Variants in LHX8 observed in about 807,000 individuals in gnomAD.
LHX8 encodes the protein LIM homeobox 8.
In LHX8, 12 loss-of-function variants were observed where a neutral mutation model predicts 40.3. The observed-to-expected ratio is 0.30, with a 90% confidence interval of 0.19 to 0.48. The LOEUF is 0.48. LHX8 is among the 20% of genes least tolerant of loss of function. The probability of loss-of-function intolerance (pLI) is 0.99; values close to 1 mark genes in which losing one functional copy is unlikely to be tolerated. For synonymous variants in LHX8, 179 were observed against 162.0 expected, an observed-to-expected ratio of 1.10 and a Z score of -0.80; for missense variants, 344 against 433.7, an observed-to-expected ratio of 0.79 and a Z score of 1.84.
chr1:75,148,456 C>T, intron 6 of LHX8, 131 bp from the exon 7 acceptor site: 1 of 710,788 alleles, frequency 1.4e-6, no homozygotes, highest in South Asian at 1.5e-5. Context: ...CCATATTTCC[C>T]CATACCGATT....
the LHX8 span, among the ~76,000 whole-genome samples, chr1:75,181,000 T>A: frequency 6.6e-6 from 1 of 151,090 alleles, no homozygotes; most frequent in Non-Finnish European, 1.5e-5. Flanking sequence ...TAGACCCTGT[T>A]TGCCTGGGTA....
chr1:75,191,429 A>G, the LHX8 span, among the ~76,000 whole-genome samples: 1 of 152,146 alleles, frequency 6.6e-6, no homozygotes, highest in African/African-American at 2.4e-5. Flanking sequence ...AGCGCCTTCC[A>G]AGGGAAACAC....
At chr1:75,169,293 T>G in the LHX8 span, among the ~76,000 whole-genome samples, 2,412 of 152,330 alleles carry the variant, frequency 0.016, 63 homozygotes, top group African/African-American at 0.055. Context: ...CTGCCATTTT[T>G]CTGGCTGCAT....
upstream of LHX8, chr1:75,131,659 T>C (rs1445801245): frequency 6.6e-6 from 1 of 152,220 alleles, no homozygotes; most frequent in Non-Finnish European, 1.5e-5. Context: ...GGGTTGATGT[T>C]CCCTCTCTCC....
the LHX8 span, among the ~76,000 whole-genome samples, chr1:75,178,347 A>C: frequency 6.6e-6 from 1 of 151,990 alleles, no homozygotes; most frequent in Admixed American, 6.5e-5. Flanking sequence ...CTTCAATTTC[A>C]GAGCCTGTTA....
At position 75,141,487 on chromosome 1, in the gene LHX8, C is replaced by T. The variant is rs186371663; in HGVS notation, c.359+381C>T. Among the ~76,000 whole-genome samples the T allele has an allele frequency of 2.6e-3, 391 of 152,156 alleles. 2 individuals carry two copies. Among genetic ancestry groups the T allele is most frequent in the African/African-American group, 8.9e-3 (369 of 41,530 alleles). On this transcript the variant is annotated intron_variant, in intron 4 of 8. Transcript: ENST00000356261. Reference sequence around the variant, plus strand: ...TAAAATCATTATGGGGGAGAAAAATCAAGATTTTGTTATGCTTTTAGCAGT... The same window carrying T: ...TAAAATCATTATGGGGGAGAAAAATTAAGATTTTGTTATGCTTTTAGCAGT...
At chr1:75,133,632 T>A (rs1329326325), upstream of LHX8, among the ~76,000 whole-genome samples, 4 of 152,190 alleles carry the variant, frequency 2.6e-5, no homozygotes. Flanking sequence ...ATAAAGTTTA[T>A]ACCACAAAGA....
chr1:75,185,576 A>C, the LHX8 span, among the ~76,000 whole-genome samples: 1 of 152,160 alleles, frequency 6.6e-6, no homozygotes, highest in Non-Finnish European at 1.5e-5. Context: ...TGGCAAACCC[A>C]CAGCCAACAT....
At chr1:75,143,442 T>A (rs1040705028) in intron 5 of LHX8, 104 bp downstream of exon 5, 1 of 788,264 alleles carries the variant, frequency 1.3e-6, no homozygotes, top group African/African-American at 1.7e-5. Flanking sequence ...GTACAATGTA[T>A]AAGTGTGGTA....
chr1:75,173,865 G>T, the LHX8 span, among the ~76,000 whole-genome samples: 20 of 152,038 alleles, frequency 1.3e-4, no homozygotes, highest in Non-Finnish European at 2.8e-4. Context: ...TCCAACCATG[G>T]TAGCTTCTGG....
At chr1:75,174,959 C>T in the LHX8 span, among the ~76,000 whole-genome samples, 1 of 152,136 alleles carries the variant, frequency 6.6e-6, no homozygotes, top group Admixed American at 6.5e-5. Context: ...TTATCCCTCA[C>T]CCCCTCCTAC....
chr1:75,195,701 C>T, the LHX8 span, among the ~76,000 whole-genome samples: 1 of 152,110 alleles, frequency 6.6e-6, no homozygotes, highest in African/African-American at 2.4e-5. Flanking sequence ...GTGCCCATCC[C>T]AATGGTGCAC....
At chr1:75,176,459 A>AT in the LHX8 span, among the ~76,000 whole-genome samples, 1 of 152,212 alleles carries the variant, frequency 6.6e-6, no homozygotes, top group Non-Finnish European at 1.5e-5. Context: ...TGTTGGCTGC[A>AT]TAAATGTCTT....
chr1:75,174,670 C>T, the LHX8 span, among the ~76,000 whole-genome samples: 1 of 152,122 alleles, frequency 6.6e-6, no homozygotes, highest in East Asian at 1.9e-4. Context: ...GAATAAATGA[C>T]ATTTCCTCTA....
Position 75,143,216 on chromosome 1 carries a change from C to A in LHX8, c.458C>A (p.Ala153Asp). Residue 153 changes from alanine to aspartate, a missense_variant, in exon 5 of 9, where the codon GCC becomes GAC. Ala to Asp is a moderately radical substitution (Grantham distance 126). This residue lies in a region of LHX8 where 147 missense variants were observed against 250.8 expected (regional missense o/e 0.59). Transcript: ENST00000356261. Reference protein sequence around the residue: ...KGNVYHLACFACFSCKRQLST... With the variant: ...KGNVYHLACFDCFSCKRQLST... The stretch of plus-strand genomic sequence containing the variant: ...AATGTCTATCACTTGGCATGCTTTG[C>A]CTGCTTTTCCTGCAAAAGGCAACTT... 6.2e-7 allele frequency: 1 copy of A among 1,613,768 alleles called. No individual in the cohort carries two copies. The highest frequency in any genetic ancestry group is 8.5e-7 in the Non-Finnish European group (1 of 1,179,776).
At chr1:75,186,324 A>G in the LHX8 span, among the ~76,000 whole-genome samples, 2 of 152,146 alleles carry the variant, frequency 1.3e-5, no homozygotes, top group Admixed American at 6.5e-5. Flanking sequence ...AAAACAGCAT[A>G]GTACTGGTAC....
the LHX8 span, among the ~76,000 whole-genome samples, chr1:75,169,011 T>C: frequency 6.6e-6 from 1 of 152,130 alleles, no homozygotes; most frequent in African/African-American, 2.4e-5. Context: ...AAAACCTAAA[T>C]TAGAACTTTT....
the LHX8 span, among the ~76,000 whole-genome samples, chr1:75,182,360 G>T: frequency 7.0e-6 from 1 of 142,280 alleles, no homozygotes; most frequent in African/African-American, 2.6e-5. Flanking sequence ...TAGTCTACAT[G>T]CCTATTTCCT....
chr1:75,138,756 A>G (rs1409269735), intron 3 of LHX8, among the ~76,000 whole-genome samples: 1 of 152,192 alleles, frequency 6.6e-6, no homozygotes, highest in African/African-American at 2.4e-5. Flanking sequence ...CCTCTGAAAT[A>G]GATAATAGTT....
Sources: gnomAD v4.1 joint callset for allele counts (sites outside exome capture counted in the v4.1 genomes callset) on GRCh38, gnomAD v4.1.1 for gene constraint, gnomAD v4.1.1 regional missense constraint, MANE v1.5 for transcripts, NCBI Gene and HGNC (gene_info 2026-07-23, HGNC 2026-07-21) for gene names.